The following ULK4 variants were observed in gnomAD, a reference collection of about 807,000 sequenced individuals.
ULK4 encodes inactive serine/threonine-protein kinase ULK4.
A neutral mutation model predicts 160.6 loss-of-function variants in ULK4; 133 were observed. That is an observed-to-expected ratio of 0.83 (90% CI 0.72 to 0.96). The LOEUF is 0.96. ULK4 is among the 40% of genes least tolerant of loss of function. The pLI, the probability that ULK4 is intolerant of heterozygous loss-of-function variation, is 0.00. For missense variants in ULK4, 1,580 were observed against 1,499.5 expected (o/e 1.05, Z -0.89); for synonymous variants, 534 against 539.8 (o/e 0.99, Z 0.15).
chr3:41,574,635 G>A (rs1051249766), intron 31 of ULK4, among the ~76,000 whole-genome samples: 6 of 140,084 alleles, frequency 4.3e-5, no homozygotes, highest in Non-Finnish European at 7.6e-5. Context: ...TCCGCCTCCC[G>A]GGTTCATGCC....
At chr3:41,691,054 G>C (rs1327033037) in intron 27 of ULK4, among the ~76,000 whole-genome samples, 1 of 151,844 alleles carries the variant, frequency 6.6e-6, no homozygotes, top group East Asian at 1.9e-4. Context: ...TGAAACTGGT[G>C]ATCAGAAGCT....
At chr3:41,303,210 C>T (rs955503856) in intron 35 of ULK4, among the ~76,000 whole-genome samples, 4 of 152,082 alleles carry the variant, frequency 2.6e-5, no homozygotes, top group Non-Finnish European at 5.9e-5. Flanking sequence ...AAAGGTTTTC[C>T]TATTTTTGAA....
intron 32 of ULK4, among the ~76,000 whole-genome samples, chr3:41,488,975 C>A (rs1405433992): frequency 6.6e-6 from 1 of 152,128 alleles, no homozygotes; most frequent in Non-Finnish European, 1.5e-5. Flanking sequence ...TTCTCAGGAG[C>A]CCCTCTTGGT....
intron 35 of ULK4, among the ~76,000 whole-genome samples, chr3:41,256,623 CTATA>C (rs2078839610): frequency 6.6e-6 from 1 of 152,136 alleles, no homozygotes; most frequent in African/African-American, 2.4e-5. Flanking sequence ...AATGTAAAAA[CTATA>C]TAACTTCTAG....
intron 35 of ULK4, among the ~76,000 whole-genome samples, chr3:41,381,432 A>T (rs2081649907): frequency 6.6e-6 from 1 of 152,140 alleles, no homozygotes; most frequent in Admixed American, 6.5e-5. Flanking sequence ...TTCCAGATGG[A>T]TGTTCAACAG....
intron 21 of ULK4, among the ~76,000 whole-genome samples, chr3:41,760,379 T>C (rs1361524389): frequency 6.6e-6 from 1 of 152,182 alleles, no homozygotes; most frequent in Non-Finnish European, 1.5e-5. Flanking sequence ...GTTCAATACA[T>C]ACCTATCATA....
chr3:41,526,244 T>A (rs1240800016), intron 32 of ULK4, among the ~76,000 whole-genome samples: 1 of 152,200 alleles, frequency 6.6e-6, no homozygotes, highest in Admixed American at 6.5e-5. Flanking sequence ...GTTTCTTCCC[T>A]CCAGTTTTTA....
chr3:41,429,478 A>G (rs917074693), intron 34 of ULK4, among the ~76,000 whole-genome samples: 3 of 151,576 alleles, frequency 2.0e-5, no homozygotes, highest in African/African-American at 7.2e-5. Flanking sequence ...TATTCACAAT[A>G]GCAAAGACAT....
At chr3:41,297,440 C>T (rs998172743) in intron 35 of ULK4, among the ~76,000 whole-genome samples, 3 of 152,196 alleles carry the variant, frequency 2.0e-5, no homozygotes, top group Non-Finnish European at 4.4e-5. Flanking sequence ...AAACAGGGGC[C>T]GAACTGATGC....
At chr3:41,621,997 A>G (rs769510577) in intron 30 of ULK4, among the ~76,000 whole-genome samples, 5 of 152,230 alleles carry the variant, frequency 3.3e-5, no homozygotes, top group African/African-American at 4.8e-5. Context: ...CGTGGCCAAC[A>G]AACATATGAA....
intron 30 of ULK4, among the ~76,000 whole-genome samples, chr3:41,643,227 T>C (rs2034317481): frequency 6.6e-6 from 1 of 152,160 alleles, no homozygotes. Context: ...TGGCTTTTGT[T>C]GCCATTGCTT....
intron 30 of ULK4, among the ~76,000 whole-genome samples, chr3:41,624,462 T>C (rs2033396297): frequency 6.6e-6 from 1 of 152,202 alleles, no homozygotes; most frequent in South Asian, 2.1e-4. Context: ...ACTATCTTAA[T>C]TCCTTCTTAA....
intron 32 of ULK4, among the ~76,000 whole-genome samples, chr3:41,502,024 C>T (rs1453402463): frequency 6.6e-5 from 10 of 152,298 alleles, no homozygotes; most frequent in South Asian, 2.1e-4. Context: ...AAATCATAGG[C>T]TTTCCTTCTT....
At chr3:41,807,488 A>G (rs542871557) in intron 19 of ULK4, among the ~76,000 whole-genome samples, 2 of 152,286 alleles carry the variant, frequency 1.3e-5, no homozygotes, top group Admixed American at 1.3e-4. Flanking sequence ...TTCAAGCCAT[A>G]GTTTTTGCAT....
At chr3:41,554,904 T>C in intron 32 of ULK4, among the ~76,000 whole-genome samples, 1 of 152,090 alleles carries the variant, frequency 6.6e-6, no homozygotes, top group Non-Finnish European at 1.5e-5. Flanking sequence ...ATACCTTCAT[T>C]TCAAAGCAAC....
chr3:41,800,414 C>A, intron 19 of ULK4, 121 bp from the exon 20 acceptor site: 1 of 905,182 alleles, frequency 1.1e-6, no homozygotes, highest in South Asian at 1.8e-5. Context: ...ATGTGTTAGG[C>A]AACTTGGGAG....
At chr3:41,468,559 C>G (rs1354113082) in intron 32 of ULK4, among the ~76,000 whole-genome samples, 1 of 152,188 alleles carries the variant, frequency 6.6e-6, no homozygotes, top group Non-Finnish European at 1.5e-5. Flanking sequence ...CTATCAGCAA[C>G]TATCCACAGA....
chr3:41,324,984 A>C (rs2080313451), intron 35 of ULK4, among the ~76,000 whole-genome samples: 1 of 152,180 alleles, frequency 6.6e-6, no homozygotes, highest in African/African-American at 2.4e-5. Context: ...CGTCTTTCCA[A>C]AGAAGGTAAC....
At chr3:41,617,550 TAACA>T (rs1193785110) in intron 30 of ULK4, among the ~76,000 whole-genome samples, 1 of 151,758 alleles carries the variant, frequency 6.6e-6, no homozygotes, top group Non-Finnish European at 1.5e-5. Context: ...GAAGAAAAAC[TAACA>T]AACAGAAAAC....
Sources: gnomAD v4.1 joint callset for allele counts (sites outside exome capture counted in the v4.1 genomes callset) on GRCh38, gnomAD v4.1.1 for gene constraint, MANE v1.5 for transcripts, NCBI Gene and HGNC (gene_info 2026-07-23, HGNC 2026-07-21) for gene names.